The following INPP4B variants were observed in gnomAD, a reference collection of about 807,000 sequenced individuals.
INPP4B encodes the protein inositol polyphosphate-4-phosphatase type II B.
Under a neutral mutation model 122.5 loss-of-function variants are expected in INPP4B, and 55 were observed. The ratio of observed to expected loss-of-function variants is 0.45; its 90% CI spans 0.36 to 0.56. The LOEUF (loss-of-function observed/expected upper bound fraction) is 0.56. INPP4B is among the 20% of genes least tolerant of loss of function. The pLI is 0.00. For synonymous variants in INPP4B, 403 were observed against 388.7 expected (o/e 1.04, Z -0.43); for missense variants, 1,000 against 1,097.7 (o/e 0.91, Z 1.26).
intron 3 of INPP4B, among the ~76,000 whole-genome samples, chr4:142,433,794 T>C (rs984632992): frequency 3.9e-5 from 6 of 152,094 alleles, no homozygotes; most frequent in Admixed American, 3.3e-4. Flanking sequence ...GTACAGGAGA[T>C]TGGTGTTAAG....
intron 2 of INPP4B, among the ~76,000 whole-genome samples, chr4:142,697,372 A>G (rs942901373): frequency 6.6e-6 from 1 of 152,180 alleles, no homozygotes; most frequent in Admixed American, 6.5e-5. Context: ...GTCTGGGATC[A>G]ACTGTGAAAG....
At chr4:142,497,142 C>G (rs1206042663) in intron 2 of INPP4B, among the ~76,000 whole-genome samples, 1 of 151,964 alleles carries the variant, frequency 6.6e-6, no homozygotes, top group African/African-American at 2.4e-5. Flanking sequence ...TTGTGGCCAC[C>G]CTGTTTCTCT....
chr4:142,509,185 C>A (rs1305259660), intron 2 of INPP4B, among the ~76,000 whole-genome samples: 1 of 152,176 alleles, frequency 6.6e-6, no homozygotes, highest in African/African-American at 2.4e-5. Context: ...TGACACCGTG[C>A]GGGTTCTGTC....
chr4:142,063,739 C>T, intron 25 of INPP4B, among the ~76,000 whole-genome samples: 1 of 152,126 alleles, frequency 6.6e-6, no homozygotes, highest in Admixed American at 6.6e-5. Flanking sequence ...TTCCTTTCAT[C>T]TTAGCACTAG....
chr4:142,151,485 G>T (rs910401012), intron 17 of INPP4B, among the ~76,000 whole-genome samples: 3 of 152,090 alleles, frequency 2.0e-5, no homozygotes, highest in African/African-American at 7.2e-5. Context: ...ATTCACTCCT[G>T]GCCTTATCTG....
chr4:142,422,775 C>T (rs1363905143), intron 5 of INPP4B, among the ~76,000 whole-genome samples: 1 of 152,068 alleles, frequency 6.6e-6, no homozygotes, highest in Non-Finnish European at 1.5e-5. Flanking sequence ...GATTATGCCA[C>T]TGTGCTCTAG....
chr4:142,431,144 C>T (rs747253361), intron 4 of INPP4B, 25 bp downstream of exon 4: 1 of 1,570,918 alleles, frequency 6.4e-7, no homozygotes, highest in South Asian at 1.1e-5. Flanking sequence ...GATGCAAAAA[C>T]AGGGAGGGAT....
chr4:142,758,305 A>C (rs574531925), intron 1 of INPP4B, among the ~76,000 whole-genome samples: 1 of 152,258 alleles, frequency 6.6e-6, no homozygotes, highest in East Asian at 1.9e-4. Flanking sequence ...ACATGTGAAG[A>C]GTTGCTGTCA....
chr4:142,097,127 T>C (rs1219154540), intron 23 of INPP4B, among the ~76,000 whole-genome samples: 1 of 152,104 alleles, frequency 6.6e-6, no homozygotes, highest in Non-Finnish European at 1.5e-5. Flanking sequence ...TTGCAAACTA[T>C]GACTTGCAGG....
intron 7 of INPP4B, among the ~76,000 whole-genome samples, chr4:142,338,700 A>G (rs562149050): frequency 6.6e-6 from 1 of 152,222 alleles, no homozygotes; most frequent in South Asian, 2.1e-4. Context: ...CTATCTATAT[A>G]TTTTTATCTC....
intron 16 of INPP4B, among the ~76,000 whole-genome samples, chr4:142,166,899 G>A (rs967523869): frequency 1.3e-5 from 2 of 151,852 alleles, no homozygotes; most frequent in African/African-American, 4.8e-5. Context: ...ACAGATGCAG[G>A]TGAGGCTGTG....
At chr4:142,658,587 A>C (rs1020542848) in intron 2 of INPP4B, among the ~76,000 whole-genome samples, 1 of 152,238 alleles carries the variant, frequency 6.6e-6, no homozygotes, top group Non-Finnish European at 1.5e-5. Context: ...ATCTGTGAGC[A>C]TTCTTAACTT....
chr4:142,227,999 G>A (rs1852370236), intron 12 of INPP4B, among the ~76,000 whole-genome samples: 1 of 151,392 alleles, frequency 6.6e-6, no homozygotes. Flanking sequence ...AAAATTTTCT[G>A]AATAACATTT....
At chr4:142,141,555 C>G (rs995744855) in intron 18 of INPP4B, among the ~76,000 whole-genome samples, 2 of 152,108 alleles carry the variant, frequency 1.3e-5, no homozygotes, top group African/African-American at 4.8e-5. Flanking sequence ...TCTATTATTT[C>G]TCTTCAGAAC....
chr4:142,745,331 A>G (rs1169132022), intron 1 of INPP4B, among the ~76,000 whole-genome samples: 1 of 151,942 alleles, frequency 6.6e-6, no homozygotes, highest in African/African-American at 2.4e-5. Flanking sequence ...GGATAATTAC[A>G]TGAAATGTAA....
intron 11 of INPP4B, among the ~76,000 whole-genome samples, chr4:142,240,354 T>C (rs17015779): frequency 0.1 from 15,142 of 152,112 alleles, 848 homozygotes; most frequent in Middle Eastern, 0.14. Context: ...ATTGTTTCCA[T>C]TCTAATACTC....
chr4:142,835,514 T>C (rs1346238700), intron 1 of INPP4B, among the ~76,000 whole-genome samples: 1 of 152,198 alleles, frequency 6.6e-6, no homozygotes, highest in African/African-American at 2.4e-5. Flanking sequence ...AAAATGTCTA[T>C]AACTAGAATA....
intron 7 of INPP4B, among the ~76,000 whole-genome samples, chr4:142,387,051 G>A (rs999038144): frequency 6.6e-5 from 10 of 152,098 alleles, no homozygotes; most frequent in Non-Finnish European, 1.3e-4. Flanking sequence ...AACTGGGTTT[G>A]ACAGTTGTGA....
intron 25 of INPP4B, among the ~76,000 whole-genome samples, chr4:142,035,402 ACGTTGG>A (rs767371766): frequency 2.6e-5 from 4 of 152,182 alleles, no homozygotes; most frequent in Non-Finnish European, 5.9e-5. Flanking sequence ...TTGTGCACCT[ACGTTGG>A]CACCTTTTAA....
Sources: gnomAD v4.1 joint callset for allele counts (sites outside exome capture counted in the v4.1 genomes callset) on GRCh38, gnomAD v4.1.1 for gene constraint, MANE v1.5 for transcripts, NCBI Gene and HGNC (gene_info 2026-07-23, HGNC 2026-07-21) for gene names.